The following ZBTB7C variants were observed in gnomAD, a reference collection of about 807,000 sequenced individuals.
The protein encoded by ZBTB7C is zinc finger and BTB domain containing 7C.
Under a neutral mutation model 25.7 loss-of-function variants are expected in ZBTB7C, and 8 were observed. That is an observed-to-expected ratio of 0.31 (90% CI 0.18 to 0.56). ZBTB7C has a LOEUF of 0.56. Among genes scored for constraint, ZBTB7C ranks in the 20% least tolerant of loss-of-function variants. ZBTB7C has a pLI of 0.91. For missense variants in ZBTB7C, 824 were observed against 855.2 expected (o/e 0.96, Z 0.46); for synonymous variants, 394 against 369.0 (o/e 1.07, Z -0.78).
intron 2 of ZBTB7C, among the ~76,000 whole-genome samples, chr18:48,306,030 C>T (rs796351219): frequency 9.8e-5 from 15 of 152,340 alleles, no homozygotes; most frequent in Non-Finnish European, 1.6e-4. Context: ...TGATTGCAAC[C>T]GCCAAGGTTT....
chr18:48,117,174 C>G (rs1275188255), intron 3 of ZBTB7C, among the ~76,000 whole-genome samples: 1 of 152,286 alleles, frequency 6.6e-6, no homozygotes, highest in African/African-American at 2.4e-5. Context: ...ACATACCAGT[C>G]CCTCCGTGGA....
At chr18:48,162,213 C>T in intron 3 of ZBTB7C, 1 of 374,124 alleles carries the variant, frequency 2.7e-6, no homozygotes, top group East Asian at 7.6e-5. Flanking sequence ...CCACCCCTGG[C>T]CCCAGCCTCC....
chr18:48,211,746 C>T (rs1484530502), intron 2 of ZBTB7C, among the ~76,000 whole-genome samples: 1 of 152,128 alleles, frequency 6.6e-6, no homozygotes, highest in Non-Finnish European at 1.5e-5. Flanking sequence ...GGTGGGGATG[C>T]AAAATGATAC....
rs541986763 is a variant in ZBTB7C at position 48,065,124 on chromosome 18, C to T, written c.-16-24001G>A. Among the ~76,000 whole-genome samples the T allele has an allele frequency of 6.6e-5, 10 of 152,280 alleles. No individual in the cohort carries two copies. In the South Asian group the frequency reaches 2.1e-3, roughly 32 times the overall value. On this transcript the variant is annotated intron_variant, in intron 3 of 4. Coordinates refer to ENST00000590800, the MANE Select transcript of ZBTB7C (RefSeq NM_001318841.2). ...TCCTTCCACTCCCAGTGCCCCCCGC[C>T]CCCTCCCTGTCCAGCGAGCGCATGC...
At chr18:48,186,341 C>A (rs962095069) in intron 2 of ZBTB7C, among the ~76,000 whole-genome samples, 1 of 152,240 alleles carries the variant, frequency 6.6e-6, no homozygotes, top group African/African-American at 2.4e-5. Flanking sequence ...GCCTAGCAAC[C>A]CTGCGCGTGC....
At chr18:48,310,298 T>C (rs2045784147) in intron 2 of ZBTB7C, among the ~76,000 whole-genome samples, 1 of 152,064 alleles carries the variant, frequency 6.6e-6, no homozygotes, top group Non-Finnish European at 1.5e-5. Flanking sequence ...TTATTATTAT[T>C]AGGTTATTGA....
intron 2 of ZBTB7C, among the ~76,000 whole-genome samples, chr18:48,223,084 C>T (rs1241486971): frequency 1.3e-5 from 2 of 152,142 alleles, no homozygotes; most frequent in Non-Finnish European, 2.9e-5. Flanking sequence ...GATTTCAGCC[C>T]AATAACTGCA....
At chr18:48,361,574 C>T (rs978111732) in intron 1 of ZBTB7C, among the ~76,000 whole-genome samples, 2 of 152,214 alleles carry the variant, frequency 1.3e-5, no homozygotes, top group Non-Finnish European at 2.9e-5. Flanking sequence ...GGTACATATG[C>T]TGCTCTGGAA....
intron 2 of ZBTB7C, among the ~76,000 whole-genome samples, chr18:48,249,670 T>C (rs1171358746): frequency 6.6e-6 from 1 of 152,268 alleles, no homozygotes; most frequent in African/African-American, 2.4e-5. Context: ...GAAGCTCTTG[T>C]AATTTCTAAC....
At chr18:48,091,327 C>T (rs781466847) in intron 3 of ZBTB7C, among the ~76,000 whole-genome samples, 2 of 148,582 alleles carry the variant, frequency 1.3e-5, no homozygotes, top group Non-Finnish European at 3.0e-5. Flanking sequence ...AAGTGATCCT[C>T]CCATCTTGGC....
At position 48,193,707 on chromosome 18, in the gene ZBTB7C, G is replaced by A. The variant is rs538219539; in HGVS notation, c.-78-7712C>T. Among the ~76,000 whole-genome samples the A allele has an allele frequency of 2.0e-5, 3 of 152,356 alleles. No individual in the cohort carries two copies. In the South Asian group the frequency reaches 6.2e-4, roughly 32 times the overall value. ...ATGGACACTCACCAGCTCCTGCAGG[G>A]AAGGGTGGAGAGGCCAGGATCCACT... On this transcript the variant is annotated intron_variant, in intron 2 of 4. Coordinates refer to ENST00000590800, the MANE Select transcript of ZBTB7C (RefSeq NM_001318841.2).
At chr18:48,334,464 C>T (rs2046415794) in intron 2 of ZBTB7C, among the ~76,000 whole-genome samples, 1 of 152,180 alleles carries the variant, frequency 6.6e-6, no homozygotes. Context: ...ACCCAGCTCC[C>T]AGACCCGAAA....
intron 1 of ZBTB7C, among the ~76,000 whole-genome samples, chr18:48,363,720 T>C (rs900747560): frequency 6.6e-6 from 1 of 151,272 alleles, no homozygotes; most frequent in African/African-American, 2.4e-5. Flanking sequence ...CCATTGGGGG[T>C]GTATTCTTTT....
At chr18:48,392,928 T>C (rs1241979855) in intron 1 of ZBTB7C, among the ~76,000 whole-genome samples, 1 of 152,078 alleles carries the variant, frequency 6.6e-6, no homozygotes, top group Non-Finnish European at 1.5e-5. Flanking sequence ...TGCTGACCAG[T>C]GAGTGTCCCT....
chr18:48,170,399 G>A (rs527620879), intron 3 of ZBTB7C, among the ~76,000 whole-genome samples: 26 of 152,344 alleles, frequency 1.7e-4, no homozygotes, highest in Non-Finnish European at 2.8e-4. Context: ...AGAAGGATGC[G>A]CAGACTGAGG....
chr18:48,144,086 T>C (rs2040428471), intron 3 of ZBTB7C, among the ~76,000 whole-genome samples: 1 of 152,112 alleles, frequency 6.6e-6, no homozygotes, highest in Non-Finnish European at 1.5e-5. Flanking sequence ...GAGACCAGCC[T>C]GGCCAACATG....
At chr18:48,095,518 C>G (rs896836435) in intron 3 of ZBTB7C, among the ~76,000 whole-genome samples, 1 of 151,980 alleles carries the variant, frequency 6.6e-6, no homozygotes, top group African/African-American at 2.4e-5. Context: ...TCGAGACCAG[C>G]CTGGTCAACA....
chr18:48,090,574 G>GGGATGAGTCCTGGGGAAGT (rs1446752275), intron 3 of ZBTB7C, among the ~76,000 whole-genome samples: 4 of 152,206 alleles, frequency 2.6e-5, no homozygotes, highest in Non-Finnish European at 5.9e-5. Flanking sequence ...CAGAGGACTG[G>GGGATGAGTCCTGGGGAAGT]GGATGAGTCC....
At chr18:48,354,699 C>A (rs2046939128) in intron 1 of ZBTB7C, among the ~76,000 whole-genome samples, 1 of 152,162 alleles carries the variant, frequency 6.6e-6, no homozygotes, top group South Asian at 2.1e-4. Context: ...GGCAGCAAAT[C>A]CAACAGCAAT....
Sources: allele counts gnomAD v4.1 joint callset (sites outside exome capture counted in the v4.1 genomes callset), GRCh38; gene constraint gnomAD v4.1.1; transcripts MANE v1.5; gene names NCBI Gene and HGNC (gene_info 2026-07-23, HGNC 2026-07-21).